The following GOLGA4 variants were observed in gnomAD, a reference collection of about 807,000 sequenced individuals.
GOLGA4 encodes the protein golgin A4.
A neutral mutation model predicts 265.9 loss-of-function variants in GOLGA4; 169 were observed. The ratio of observed to expected loss-of-function variants is 0.64; its 90% CI spans 0.56 to 0.72. The LOEUF (loss-of-function observed/expected upper bound fraction) is 0.72, where lower values mean the gene tolerates loss of function less well. GOLGA4 is among the 30% of genes least tolerant of loss of function. The pLI is 0.00. For missense variants in GOLGA4, 2,482 were observed against 2,483.4 expected (o/e 1.00, Z 0.01); for synonymous variants, 923 against 855.8 (o/e 1.08, Z -1.37).
In GOLGA4 at chr3:37,243,473, T is replaced by C. The variant is rs561446950; in HGVS notation, c.-78T>C. ...TGTCCCTGGTGTAAAGAAGTCGCCGTAGCCGTCGCGGCCGGGACTCCCCGG... is the reference window on the plus strand; with the variant it reads ...TGTCCCTGGTGTAAAGAAGTCGCCGCAGCCGTCGCGGCCGGGACTCCCCGG... On this transcript the variant is annotated 5_prime_UTR_variant, in exon 1 of 24. Transcript: ENST00000361924. 46 of 1,262,176 alleles carry C rather than the reference T, an allele frequency of 3.6e-5. No homozygotes were observed. The highest frequency in any genetic ancestry group is 5.0e-5 in the Non-Finnish European group (43 of 860,282). 78.2% of individuals were successfully genotyped at this position (1,262,176 alleles called of 1,614,324 possible).
intron 2 of GOLGA4, among the ~76,000 whole-genome samples, chr3:37,271,950 C>CG (rs1273416563): frequency 6.6e-6 from 1 of 152,040 alleles, no homozygotes; most frequent in African/African-American, 2.4e-5. Flanking sequence ...ACTGTGCATA[C>CG]GGGGGATCTA....
At chr3:37,350,168 G>A (rs1161337488) in intron 21 of GOLGA4, among the ~76,000 whole-genome samples, 1 of 152,162 alleles carries the variant, frequency 6.6e-6, no homozygotes, top group African/African-American at 2.4e-5. Flanking sequence ...CAGGGCCTGA[G>A]GATATTGTAT....
chr3:37,326,758 A>T lies in GOLGA4; in HGVS notation c.4872A>T (p.Ala1624=), dbSNP rs368116475. 5 of 1,613,736 alleles carry T rather than the reference A, an allele frequency of 3.1e-6. No individual in the cohort carries two copies. In the South Asian group the frequency reaches 5.5e-5, roughly 18 times the overall value. ...SVKSKEEELK[A]LEDRLESESA... is the part of the protein sequence containing the mutation. Reference sequence around the variant, plus strand: ...AAAGCAAAGAGGAGGAGTTAAAGGCATTGGAAGATAGGCTTGAGTCAGAAA... The same window carrying T: ...AAAGCAAAGAGGAGGAGTTAAAGGCTTTGGAAGATAGGCTTGAGTCAGAAA... Residue 1624 remains alanine, a synonymous_variant, in exon 14 of 24, where the codon GCA becomes GCT. Transcript: ENST00000361924.
intron 2 of GOLGA4, among the ~76,000 whole-genome samples, chr3:37,280,059 C>T (rs917417890): frequency 1.3e-5 from 2 of 152,034 alleles, no homozygotes; most frequent in South Asian, 4.2e-4. Context: ...AACACAGCAT[C>T]GTAGATAGAG....
chr3:37,283,554 T>C (rs890167754), intron 3 of GOLGA4, among the ~76,000 whole-genome samples: 3 of 152,140 alleles, frequency 2.0e-5, no homozygotes, highest in African/African-American at 4.8e-5. Flanking sequence ...GGTCTCACTT[T>C]GTTGCCCAGA....
rs1157117122 is a variant in GOLGA4 at position 37,323,999 on chromosome 3, G to T, written c.2113G>T (p.Glu705Ter). 1 of 1,613,842 alleles carries T rather than the reference G, an allele frequency of 6.2e-7. No individual in the cohort carries two copies. Among genetic ancestry groups the T allele is most frequent in the Non-Finnish European group, 8.5e-7 (1 of 1,179,914 alleles). The change falls in exon 14 of 24, where the codon GAG (glutamate) becomes TAG (stop). Residue 705 changes from glutamate (E) to a stop codon, truncating the protein, a stop_gained. Transcript: ENST00000361924. LOFTEE classifies it high-confidence loss of function. ...ATTAAAAGCCCGTCACAAACTAGAA[G>T]AGGAACTTTCTGTTCTGAAAGATCA... ...EVLKARHKLE[E>*]ELSVLKDQTD...
chr3:37,267,113 G>C (rs930112386), intron 2 of GOLGA4, among the ~76,000 whole-genome samples: 1 of 152,158 alleles, frequency 6.6e-6, no homozygotes, highest in Non-Finnish European at 1.5e-5. Flanking sequence ...AATTCTGATG[G>C]CTGGTGTGCT....
intron 2 of GOLGA4, among the ~76,000 whole-genome samples, chr3:37,257,907 A>ATATATGTATG (rs2096753898): frequency 3.9e-5 from 5 of 127,510 alleles, no homozygotes; most frequent in African/African-American, 1.5e-4. Context: ...ATATATATAT[A>ATATATGTATG]TATATATGTA....
At chr3:37,321,029 C>T (rs2096953460) in intron 12 of GOLGA4, among the ~76,000 whole-genome samples, 1 of 152,080 alleles carries the variant, frequency 6.6e-6, no homozygotes, top group Admixed American at 6.5e-5. Context: ...TTGCAGTTGG[C>T]AATATCTGCT....
chr3:37,277,892 T>C (rs1457693967), intron 2 of GOLGA4, among the ~76,000 whole-genome samples: 2 of 152,122 alleles, frequency 1.3e-5, no homozygotes, highest in Non-Finnish European at 2.9e-5. Flanking sequence ...CACTCTCCTT[T>C]GCTCCCTTTT....
rs933071850 is a variant in GOLGA4 at position 37,269,549 on chromosome 3, GA to G, written c.163-12399del. ...AGTACAAAGGAATTAAGGCTTCACA[GA>G]AAAAAAAAATAGGCATAAGGAATGT... On this transcript the variant is annotated intron_variant, in intron 2 of 23. Coordinates refer to ENST00000361924, the MANE Select transcript of GOLGA4 (RefSeq NM_002078.5). 5.5e-3 allele frequency among the ~76,000 whole-genome samples: 809 copies of G among 147,602 alleles called. 9 individuals are homozygous for G. Among genetic ancestry groups the G allele is most frequent in the African/African-American group, 0.018 (712 of 40,456 alleles).
intron 23 of GOLGA4, among the ~76,000 whole-genome samples, chr3:37,364,615 C>G (rs1696604224): frequency 6.7e-6 from 1 of 149,562 alleles, no homozygotes; most frequent in African/African-American, 2.5e-5. Context: ...TTTTGCCCCC[C>G]AGCATGGTCA....
At chr3:37,277,551 G>A (rs2015799) in intron 2 of GOLGA4, among the ~76,000 whole-genome samples, 12 of 152,228 alleles carry the variant, frequency 7.9e-5, no homozygotes, top group East Asian at 1.9e-4. Context: ...TCATTAAAGC[G>A]GTGGTCTTTC....
intron 10 of GOLGA4, among the ~76,000 whole-genome samples, chr3:37,305,878 A>G (rs530252423): frequency 8.5e-5 from 13 of 152,204 alleles, no homozygotes; most frequent in Non-Finnish European, 1.3e-4. Context: ...CTGGATGTCA[A>G]AATCAGCTCA....
chr3:37,294,297 G>A (rs76255021), intron 5 of GOLGA4, among the ~76,000 whole-genome samples: 5,844 of 152,048 alleles, frequency 0.038, 143 homozygotes, highest in African/African-American at 0.056. Flanking sequence ...TATCTGTTTG[G>A]TATATAATAA....
chr3:37,351,788 G>C (rs1578847198), intron 21 of GOLGA4, among the ~76,000 whole-genome samples: 2 of 152,084 alleles, frequency 1.3e-5, no homozygotes, highest in African/African-American at 4.8e-5. Flanking sequence ...AAACCATGCT[G>C]TTAACAGGTG....
intron 22 of GOLGA4, among the ~76,000 whole-genome samples, chr3:37,358,399 C>T (rs1268196331): frequency 1.3e-5 from 2 of 152,030 alleles, no homozygotes; most frequent in Non-Finnish European, 2.9e-5. Context: ...CAGAGTTTAA[C>T]CTAGTCTCGA....
intron 22 of GOLGA4, among the ~76,000 whole-genome samples, chr3:37,360,806 T>C (rs1436877452): frequency 6.6e-6 from 1 of 152,194 alleles, no homozygotes; most frequent in Non-Finnish European, 1.5e-5. Flanking sequence ...ATTCAACATA[T>C]AGACACATGG....
Position 37,281,949 on chromosome 3 carries a change from T to C in GOLGA4, c.163-9T>C, listed in dbSNP as rs751239826. 2 of 1,600,170 alleles carry C rather than the reference T, an allele frequency of 1.2e-6. No homozygotes were observed. Among genetic ancestry groups the C allele is most frequent in the South Asian group, 2.2e-5 (2 of 89,938 alleles). On this transcript the variant is annotated splice_polypyrimidine_tract_variant and intron_variant, in intron 2 of 23. Transcript: ENST00000361924. Reference sequence around the variant, plus strand: ...TTAATCCACACATTCTGTTGGGTTTTGGTTGCAGTCAGGTGACACACAGTC... The same window carrying C: ...TTAATCCACACATTCTGTTGGGTTTCGGTTGCAGTCAGGTGACACACAGTC...
Sources: gnomAD v4.1 joint callset for allele counts (sites outside exome capture counted in the v4.1 genomes callset) on GRCh38, gnomAD v4.1.1 for gene constraint, MANE v1.5 for transcripts, NCBI Gene and HGNC (gene_info 2026-07-23, HGNC 2026-07-21) for gene names.